NLGN1: variants seen among roughly 807,000 people sequenced by gnomAD.
The protein encoded by NLGN1 is neuroligin-1.
In NLGN1, 12 loss-of-function variants were observed where a neutral mutation model predicts 65.5. That is an observed-to-expected ratio of 0.18 (90% CI 0.12 to 0.30). The LOEUF is 0.30. NLGN1 is among the 10% of genes least tolerant of loss of function. NLGN1 has a pLI of 1.00. For synonymous variants in NLGN1, 350 were observed against 359.5 expected, an observed-to-expected ratio of 0.97 and a Z score of 0.30; for missense variants, 750 against 1,007.1, an observed-to-expected ratio of 0.74 and a Z score of 3.46.
intron 3 of NLGN1, among the ~76,000 whole-genome samples, chr3:173,617,269 C>T (rs1330667338): frequency 6.6e-6 from 1 of 152,180 alleles, no homozygotes; most frequent in Non-Finnish European, 1.5e-5. Context: ...TTTGTATCTT[C>T]ATATGAAATT....
intron 4 of NLGN1, among the ~76,000 whole-genome samples, chr3:174,162,128 C>A (rs560767791): frequency 6.6e-6 from 1 of 151,828 alleles, no homozygotes; most frequent in Admixed American, 6.6e-5. Flanking sequence ...ACAACCTGAC[C>A]CCCCAGAATT....
Position 173,557,694 on chromosome 3 carries a change from C to A in NLGN1, c.-320-46585C>A, listed in dbSNP as rs1210596029. Among the ~76,000 whole-genome samples, 4 of 152,034 alleles carry A rather than the reference C, an allele frequency of 2.6e-5. No individual in the cohort carries two copies. In the East Asian group the frequency reaches 7.7e-4, roughly 29 times the overall value. ...TATTTTACCACTTCACATATAATAC[C>A]AGAACCCCTTTCCATATATTTTATG... On this transcript the variant is annotated intron_variant, in intron 2 of 6. Transcript: ENST00000457714.
At chr3:173,604,741 T>C in exon 3 of NLGN1, 1 of 1,613,768 alleles carries the variant, frequency 6.2e-7, no homozygotes, top group Non-Finnish European at 8.5e-7. Flanking sequence ...TCACAAAAAT[T>C]GGATGATGTG....
chr3:174,293,511 A>G, the NLGN1 span, among the ~76,000 whole-genome samples: 3 of 151,656 alleles, frequency 2.0e-5, no homozygotes, highest in Admixed American at 6.6e-5. Flanking sequence ...ATGACTTCAG[A>G]AAAAAGAAGA....
intron 4 of NLGN1, among the ~76,000 whole-genome samples, chr3:174,241,829 T>G (rs1742911315): frequency 6.6e-6 from 1 of 151,982 alleles, no homozygotes; most frequent in Admixed American, 6.6e-5. Context: ...TGGATAATTT[T>G]TTGTATTTTT....
chr3:174,151,979 A>T (rs1724443793), intron 4 of NLGN1, among the ~76,000 whole-genome samples: 1 of 152,180 alleles, frequency 6.6e-6, no homozygotes, highest in Non-Finnish European at 1.5e-5. Flanking sequence ...ATAGAAAAAA[A>T]TAACTGTTAG....
intron 3 of NLGN1, among the ~76,000 whole-genome samples, chr3:173,717,543 G>T (rs952668855): frequency 1.2e-4 from 19 of 152,198 alleles, no homozygotes; most frequent in African/African-American, 4.6e-4. Flanking sequence ...GTTAAAAGTA[G>T]AGCAAAAATT....
intron 4 of NLGN1, among the ~76,000 whole-genome samples, chr3:174,016,372 G>T (rs1330867636): frequency 2.6e-5 from 4 of 152,190 alleles, no homozygotes; most frequent in Non-Finnish European, 2.9e-5. Context: ...ACTGTCTTAT[G>T]ACTAGTTCCC....
intron 3 of NLGN1, among the ~76,000 whole-genome samples, chr3:173,744,694 A>C (rs1775106478): frequency 6.6e-6 from 1 of 152,160 alleles, no homozygotes; most frequent in Non-Finnish European, 1.5e-5. Context: ...AAAACCTGCC[A>C]AAAATTTTGT....
At chr3:174,230,551 T>C (rs1577471240) in intron 4 of NLGN1, among the ~76,000 whole-genome samples, 2 of 152,160 alleles carry the variant, frequency 1.3e-5, no homozygotes, top group African/African-American at 4.8e-5. Flanking sequence ...AAAATGAGAA[T>C]AGGAAAAAAG....
At position 173,431,936 on chromosome 3, in the gene NLGN1, A is replaced by G. The variant is rs570922217; in HGVS notation, c.-389-3074A>G. ...AACCACCAAACTTCTTACTATTTCC[A>G]TAGTTTTGGCTTTTTAAAAATGTCG... On this transcript the variant is annotated intron_variant, in intron 1 of 6. Coordinates refer to ENST00000457714, the Ensembl canonical transcript of NLGN1. 3.3e-5 allele frequency among the ~76,000 whole-genome samples: 5 copies of G among 152,236 alleles called. No individual in the cohort carries two copies. In the South Asian group the frequency reaches 6.2e-4, roughly 19 times the overall value.
chr3:173,798,635 TTATC>T (rs908702711), intron 3 of NLGN1, among the ~76,000 whole-genome samples: 37 of 152,212 alleles, frequency 2.4e-4, no homozygotes, highest in African/African-American at 8.4e-4. Flanking sequence ...AATTATTGCT[TTATC>T]TATGTTTTCT....
rs1428689970 is a variant in NLGN1 at position 174,157,445 on chromosome 3, A to C, written c.647-117870A>C. 2.0e-5 allele frequency among the ~76,000 whole-genome samples: 3 copies of C among 151,810 alleles called. No homozygotes were observed. In the Admixed American group the frequency reaches 2.0e-4, roughly 10 times the overall value. ...AAATATGATTGATGAAAGGTTTTTAAAAAAATTCATCAATGGGTTTAGATA... is the reference window on the plus strand; with the variant it reads ...AAATATGATTGATGAAAGGTTTTTACAAAAATTCATCAATGGGTTTAGATA... On this transcript the variant is annotated intron_variant, in intron 4 of 6. Transcript: ENST00000457714.
intron 3 of NLGN1, among the ~76,000 whole-genome samples, chr3:173,735,844 C>T (rs892090218): frequency 6.6e-6 from 1 of 151,916 alleles, no homozygotes; most frequent in African/African-American, 2.4e-5. Context: ...TTTTAAAATA[C>T]CTTTTGCATA....
intron 2 of NLGN1, among the ~76,000 whole-genome samples, chr3:173,554,890 A>G (rs953530986): frequency 4.6e-5 from 7 of 152,280 alleles, no homozygotes; most frequent in African/African-American, 1.7e-4. Flanking sequence ...TGAGAGCTCA[A>G]ATTGCTCCAT....
chr3:173,792,189 T>G (rs1357364318), intron 3 of NLGN1, among the ~76,000 whole-genome samples: 2 of 152,122 alleles, frequency 1.3e-5, no homozygotes, highest in Admixed American at 1.3e-4. Flanking sequence ...CAGAAACTGT[T>G]AAGAAGTCAT....
At chr3:173,589,967 T>C (rs1027818881) in intron 2 of NLGN1, among the ~76,000 whole-genome samples, 4 of 152,302 alleles carry the variant, frequency 2.6e-5, no homozygotes, top group African/African-American at 9.6e-5. Flanking sequence ...TTCAAACATG[T>C]AATCAAGTAA....
At chr3:174,158,043 C>T (rs1380960492) in intron 4 of NLGN1, among the ~76,000 whole-genome samples, 1 of 151,654 alleles carries the variant, frequency 6.6e-6, no homozygotes, top group African/African-American at 2.4e-5. Context: ...TCTGGAGGGT[C>T]GTAAGTAGAA....
intron 1 of NLGN1, among the ~76,000 whole-genome samples, chr3:173,410,655 TA>T (rs1712337485): frequency 6.6e-6 from 1 of 152,356 alleles, no homozygotes; most frequent in South Asian, 2.1e-4. Context: ...ATAGGCTTGC[TA>T]GGGGTGAGTA....
Sources: allele counts gnomAD v4.1 joint callset (sites outside exome capture counted in the v4.1 genomes callset), GRCh38; gene constraint gnomAD v4.1.1; transcripts MANE v1.5; gene names NCBI Gene and HGNC (gene_info 2026-07-23, HGNC 2026-07-21).